ABCD2: variants seen among roughly 807,000 people sequenced by gnomAD.
ABCD2 encodes the protein ATP binding cassette subfamily D member 2.
In ABCD2, 36 loss-of-function variants were observed where a neutral mutation model predicts 70.9. The ratio of observed to expected loss-of-function variants is 0.51; its 90% confidence interval spans 0.39 to 0.67. The LOEUF is 0.67. Among genes scored for constraint, ABCD2 ranks in the 30% least tolerant of loss-of-function variants. ABCD2 has a pLI of 0.00. For synonymous variants in ABCD2, 304 were observed against 306.9 expected, an observed-to-expected ratio of 0.99 and a Z score of 0.10; for missense variants, 729 against 890.2, an observed-to-expected ratio of 0.82 and a Z score of 2.30.
the ABCD2 span, among the ~76,000 whole-genome samples, chr12:39,532,080 A>G: frequency 3.3e-5 from 5 of 152,238 alleles, no homozygotes; most frequent in African/African-American, 1.2e-4. Context: ...AGAAGTGTAG[A>G]AAGAAGGCAT....
intron 9 of ABCD2, among the ~76,000 whole-genome samples, chr12:39,554,876 C>T (rs1941139163): frequency 6.6e-6 from 1 of 152,106 alleles, no homozygotes; most frequent in Non-Finnish European, 1.5e-5. Context: ...GAACCACCTG[C>T]ATTTTTTCAC....
chr12:39,557,569 A>G (rs1941187833), intron 9 of ABCD2, among the ~76,000 whole-genome samples: 1 of 152,202 alleles, frequency 6.6e-6, no homozygotes, highest in Non-Finnish European at 1.5e-5. Context: ...GACAATGGGG[A>G]AAATGTCTCC....
At chr12:39,534,702 G>A in the ABCD2 span, among the ~76,000 whole-genome samples, 2 of 646 alleles carry the variant, frequency 3.1e-3, no homozygotes. Flanking sequence ...AAGGAAGGAC[G>A]GAAGGAAGGA....
intron 9 of ABCD2, among the ~76,000 whole-genome samples, chr12:39,555,837 A>G (rs1409136051): frequency 6.6e-6 from 1 of 152,162 alleles, no homozygotes. Flanking sequence ...CATGGGCTCC[A>G]AATAGCCCAC....
At chr12:39,601,930 A>G (rs1163965491) in intron 5 of ABCD2, among the ~76,000 whole-genome samples, 2 of 151,938 alleles carry the variant, frequency 1.3e-5, no homozygotes, top group Non-Finnish European at 1.5e-5. Flanking sequence ...ATCATGGTGA[A>G]AAGCACATTG....
rs141666154 is a variant in ABCD2 at position 39,561,480 on chromosome 12, A to T, written c.2004-7349T>A. ...CAGGAGACTCACTTCATCTGCAAGGACAATATAGACTAAAAGTGAAGGAAT... is the reference window on the plus strand; with the variant it reads ...CAGGAGACTCACTTCATCTGCAAGGTCAATATAGACTAAAAGTGAAGGAAT... On this transcript the variant is annotated intron_variant, in intron 9 of 9. Coordinates refer to ENST00000308666, the MANE Select transcript of ABCD2 (RefSeq NM_005164.4). Among the ~76,000 whole-genome samples, 985 of 152,208 alleles carry T rather than the reference A, an allele frequency of 6.5e-3. 7 individuals carry two copies. Among genetic ancestry groups the T allele is most frequent in the South Asian group, 0.017 (81 of 4,824 alleles).
At chr12:39,569,046 T>G (rs2120578712) in intron 9 of ABCD2, among the ~76,000 whole-genome samples, 1 of 152,170 alleles carries the variant, frequency 6.6e-6, no homozygotes, top group South Asian at 2.1e-4. Flanking sequence ...TACTTGGGGG[T>G]GCATCCCAGT....
At position 39,552,279 on chromosome 12, in the gene ABCD2, A is replaced by G. The variant is rs1415472967; in HGVS notation, c.*1633T>C. On this transcript the variant is annotated 3_prime_UTR_variant, in exon 10 of 10. Coordinates refer to ENST00000308666, the MANE Select transcript of ABCD2 (RefSeq NM_005164.4). ...GTTATGATGTTCTATAACGATCATT[A>G]TGAATGACTTCCAGGTACTCTATCA... 1 of 151,964 alleles carries G rather than the reference A, an allele frequency of 6.6e-6. No homozygotes were observed. Among genetic ancestry groups the G allele is most frequent in the Non-Finnish European group, 1.5e-5 (1 of 67,836 alleles). 9.4% of individuals were successfully genotyped at this position (151,964 alleles called of 1,614,324 possible).
At chr12:39,541,413 A>G in the ABCD2 span, among the ~76,000 whole-genome samples, 1 of 152,204 alleles carries the variant, frequency 6.6e-6, no homozygotes, top group Non-Finnish European at 1.5e-5. Context: ...TAACCTGTGA[A>G]AGACTCTTGC....
downstream of ABCD2, among the ~76,000 whole-genome samples, chr12:39,549,522 C>G (rs1470356523): frequency 6.6e-6 from 1 of 151,704 alleles, no homozygotes; most frequent in Non-Finnish European, 1.5e-5. Flanking sequence ...TAATGACAAC[C>G]AGGGCCTCAA....
chr12:39,542,459 C>A, the ABCD2 span, among the ~76,000 whole-genome samples: 2 of 141,708 alleles, frequency 1.4e-5, no homozygotes, highest in African/African-American at 2.7e-5. Flanking sequence ...GAGACTCCAT[C>A]TCAAAAAAAA....
chr12:39,547,336 A>C (rs779178359), downstream of ABCD2, among the ~76,000 whole-genome samples: 4 of 152,262 alleles, frequency 2.6e-5, no homozygotes, highest in Middle Eastern at 3.4e-3. Flanking sequence ...GTATATATCC[A>C]AAAGAACTGA....
At chr12:39,564,791 T>G (rs1366279354) in intron 9 of ABCD2, among the ~76,000 whole-genome samples, 1 of 152,212 alleles carries the variant, frequency 6.6e-6, no homozygotes, top group African/African-American at 2.4e-5. Context: ...GAATCCATCT[T>G]GAATTAATTT....
Position 39,553,563 on chromosome 12 carries a change from A to C in ABCD2, c.*349T>G, listed in dbSNP as rs565937138. 12 of 191,578 alleles carry C rather than the reference A, an allele frequency of 6.3e-5. No individual in the cohort carries two copies. Among genetic ancestry groups the C allele is most frequent in the African/African-American group, 2.3e-4 (10 of 42,592 alleles). The allele number at this position is 191,578 out of a possible 1,614,324, so 11.9% of individuals were successfully genotyped here. Reference sequence around the variant, plus strand: ...ATCAACCCAAATGCTGCTCAGTTTAACTTGTTTCATTTCCAGAATATTGCC... The same window carrying C: ...ATCAACCCAAATGCTGCTCAGTTTACCTTGTTTCATTTCCAGAATATTGCC... On this transcript the variant is annotated 3_prime_UTR_variant, in exon 10 of 10. Transcript: ENST00000308666.
chr12:39,612,904 C>T (rs149692547), intron 2 of ABCD2, among the ~76,000 whole-genome samples: 5 of 152,156 alleles, frequency 3.3e-5, no homozygotes, highest in African/African-American at 4.8e-5. Flanking sequence ...TGATATCCTG[C>T]TTCACACTCA....
intron 1 of ABCD2, among the ~76,000 whole-genome samples, chr12:39,617,380 T>G (rs1426897405): frequency 6.6e-6 from 1 of 152,104 alleles, no homozygotes; most frequent in East Asian, 1.9e-4. Flanking sequence ...TACATATAAG[T>G]AATTTATAGT....
At chr12:39,546,856 A>T (rs1013184454), downstream of ABCD2, among the ~76,000 whole-genome samples, 1 of 152,016 alleles carries the variant, frequency 6.6e-6, no homozygotes, top group Non-Finnish European at 1.5e-5. Context: ...GTAAGAGGAA[A>T]AGCAAAAGGG....
At chr12:39,591,903 A>C (rs1382586838) in intron 6 of ABCD2, among the ~76,000 whole-genome samples, 1 of 152,172 alleles carries the variant, frequency 6.6e-6, no homozygotes, top group African/African-American at 2.4e-5. Context: ...TCATAAAATG[A>C]GAAAAACTTT....
intron 9 of ABCD2, among the ~76,000 whole-genome samples, chr12:39,562,622 G>C (rs1941277259): frequency 6.6e-6 from 1 of 152,006 alleles, no homozygotes; most frequent in South Asian, 2.1e-4. Context: ...AACCTACAAA[G>C]ATTGAACTAT....
Sources: gnomAD v4.1 joint callset for allele counts (sites outside exome capture counted in the v4.1 genomes callset) on GRCh38, gnomAD v4.1.1 for gene constraint, MANE v1.5 for transcripts, NCBI Gene and HGNC (gene_info 2026-07-23, HGNC 2026-07-21) for gene names.